OPN1LW: variants seen among roughly 807,000 people sequenced by gnomAD.
The protein encoded by OPN1LW is long-wave-sensitive opsin 1.
A neutral mutation model predicts 18.1 loss-of-function variants in OPN1LW; 4 were observed. The ratio of observed to expected loss-of-function variants is 0.22; its 90% CI spans 0.11 to 0.51. The LOEUF is 0.51. Among genes scored for constraint, OPN1LW ranks in the 20% least tolerant of loss-of-function variants. The pLI, the probability that OPN1LW is intolerant of heterozygous loss-of-function variation, is 0.97. For missense variants in OPN1LW, 164 were observed against 234.9 expected (o/e 0.70, Z 1.97); for synonymous variants, 86 against 101.2 (o/e 0.85, Z 0.90).
At chrX:154,149,425 C>T (rs868985654) in intron 1 of OPN1LW, among the ~76,000 whole-genome samples, 2 of 90,895 alleles carry the variant, frequency 2.2e-5, no homozygotes, top group African/African-American at 5.2e-5. Flanking sequence ...GCTACTACTC[C>T]GGAGGCTGAG....
At chrX:154,149,163 C>T (rs2067065836) in intron 1 of OPN1LW, among the ~76,000 whole-genome samples, 1 of 100,487 alleles carries the variant, frequency 1.0e-5, no homozygotes, top group African/African-American at 4.4e-5. Context: ...CGAGATCGTG[C>T]CACTGCACTC....
At position 154,154,745 on chromosome X, in the gene OPN1LW, C is replaced by A; in HGVS notation, c.744+6C>A. On this transcript the variant is annotated splice_donor_region_variant and intron_variant, in intron 4 of 5. Transcript: ENST00000369951. ...TGTGGCTGGCCATCCGAGCGGTAAG[C>A]CCCCCGATTCCTCCTGGCCTCACCC... is the stretch of plus-strand genomic sequence containing the variant. The A allele has an allele frequency of 8.4e-7, 1 of 1,186,746 alleles. No homozygotes were observed. Among genetic ancestry groups the A allele is most frequent in the Non-Finnish European group, 1.1e-6 (1 of 879,928 alleles).
chrX:154,154,790 C>T lies in OPN1LW; in HGVS notation c.744+51C>T, dbSNP rs1557157860. 5 of 1,046,880 alleles carry T rather than the reference C, an allele frequency of 4.8e-6. 1 individual carries two copies. In the Admixed American group the frequency reaches 1.2e-4, roughly 25 times the overall value. The allele number at this position is 1,046,880 out of a possible 1,213,427, so 86.3% of individuals were successfully genotyped here. ...TCACCCGCCTCCTGCCCCTAAGCTG[C>T]TCTGCCCTCAAATGAGTCCACTGAG... On this transcript the variant is annotated intron_variant, in intron 4 of 5. Coordinates refer to ENST00000369951, the MANE Select transcript of OPN1LW (RefSeq NM_020061.6).
intron 2 of OPN1LW, among the ~76,000 whole-genome samples, chrX:154,151,369 CA>C (rs1163373840): frequency 6.2e-5 from 1 of 16,022 alleles, no homozygotes; most frequent in Non-Finnish European, 1.1e-4. Context: ...ACACAATTCC[CA>C]GATCCTCTCC....
rs2067071392 is a variant in OPN1LW at position 154,150,758 on chromosome X, G to C, written c.215G>C (p.Gly72Ala). The C allele has an allele frequency of 8.3e-7, 1 of 1,199,706 alleles. No homozygotes were observed. The highest frequency in any genetic ancestry group is 2.2e-5 in the Admixed American group (1 of 45,374). The change falls in exon 2 of 6, where the codon GGG becomes GCG. Residue 72 changes from glycine to alanine, a missense_variant. Coordinates refer to ENST00000369951, the MANE Select transcript of OPN1LW (RefSeq NM_020061.6). ...GTCACTGCATCCGTCTTCACAAATG[G>C]GCTTGTGCTGGCGGCCACCATGAAG... ...FVVTASVFTN[G>A]LVLAATMKFK...
At chrX:154,144,529 G>T (rs1181071979) in intron 1 of OPN1LW, 134 bp downstream of exon 1, 3 of 419,564 alleles carry the variant, frequency 7.2e-6, no homozygotes, top group Non-Finnish European at 1.1e-5. Flanking sequence ...CTTTTCTGAT[G>T]ACATGAATTG....
rs782239449 is a variant in OPN1LW at position 154,156,268 on chromosome X, C to T, written c.745-26C>T. On this transcript the variant is annotated intron_variant, in intron 4 of 5. Transcript: ENST00000369951. ...CTGCCTCTTGCTGCCCTCCAACCCC[C>T]GACTCACTATCCCTGTCTCCCTTAG... 119 of 1,182,297 alleles carry T rather than the reference C, an allele frequency of 1.0e-4. 2 individuals carry two copies. Among genetic ancestry groups the T allele is most frequent in the African/African-American group, 5.7e-4 (29 of 51,257 alleles).
intron 4 of OPN1LW, among the ~76,000 whole-genome samples, chrX:154,154,986 A>C (rs1603345461): frequency 1.1e-4 from 1 of 9,182 alleles, no homozygotes; most frequent in Non-Finnish European, 2.0e-4. Flanking sequence ...AAGCACTGCC[A>C]CTCCCTCCCT....
Position 154,156,274 on chromosome X carries a change from A to G in OPN1LW, c.745-20A>G. The G allele has an allele frequency of 8.4e-7, 1 of 1,190,254 alleles. No homozygotes were observed. The highest frequency in any genetic ancestry group is 1.1e-6 in the Non-Finnish European group (1 of 885,158). On this transcript the variant is annotated intron_variant, in intron 4 of 5. Coordinates refer to ENST00000369951, the MANE Select transcript of OPN1LW (RefSeq NM_020061.6). ...CTTGCTGCCCTCCAACCCCCGACTC[A>G]CTATCCCTGTCTCCCTTAGGTGGCA...
At chrX:154,149,760 T>C (rs1488080774) in intron 1 of OPN1LW, among the ~76,000 whole-genome samples, 1 of 37,529 alleles carries the variant, frequency 2.7e-5, no homozygotes, top group East Asian at 6.1e-4. Flanking sequence ...GGGACTCTTT[T>C]TCTTGTTTGT....
In OPN1LW at chrX:154,144,408, G is replaced by A. The variant is rs781898555; in HGVS notation, c.112+13G>A. Reference sequence around the variant, plus strand: ...AACTCCACCAGAGGTGAGCCAGCAGGCCCGTGGAGGCTGGGTGGCTGCACT... The same window carrying A: ...AACTCCACCAGAGGTGAGCCAGCAGACCCGTGGAGGCTGGGTGGCTGCACT... On this transcript the variant is annotated intron_variant, in intron 1 of 5. Coordinates refer to ENST00000369951, the MANE Select transcript of OPN1LW (RefSeq NM_020061.6). 6 of 1,118,459 alleles carry A rather than the reference G, an allele frequency of 5.4e-6. No individual in the cohort carries two copies. The Admixed American group carries it at 7.5e-5, about 14-fold the overall frequency. 92.2% of individuals were successfully genotyped at this position (1,118,459 alleles called of 1,213,427 possible).
At chrX:154,148,464 G>A (rs1232831843) in intron 1 of OPN1LW, among the ~76,000 whole-genome samples, 5 of 102,363 alleles carry the variant, frequency 4.9e-5, no homozygotes, top group Admixed American at 1.0e-4. Context: ...TAGTAGAGAC[G>A]GGGTTTCACC....
At chrX:154,149,108 AG>A (rs1451239813) in intron 1 of OPN1LW, among the ~76,000 whole-genome samples, 1 of 103,546 alleles carries the variant, frequency 9.7e-6, no homozygotes, top group Non-Finnish European at 1.9e-5. Context: ...AGGAGGCTGA[AG>A]CGGGAGAATG....
At chrX:154,149,018 A>C (rs1557157238) in intron 1 of OPN1LW, among the ~76,000 whole-genome samples, 1 of 103,110 alleles carries the variant, frequency 9.7e-6, no homozygotes, top group African/African-American at 4.2e-5. Context: ...ATCCTAGCTA[A>C]CATGGTGAAG....
intron 1 of OPN1LW, among the ~76,000 whole-genome samples, chrX:154,148,399 G>A (rs1425813261): frequency 3.9e-5 from 4 of 103,021 alleles, no homozygotes; most frequent in African/African-American, 1.7e-4. Flanking sequence ...CTGAGTAGCT[G>A]GGACTACAGG....
rs1187074160 is a variant in OPN1LW at position 154,154,164 on chromosome X, C to CTA, written c.579-409_579-408insAT. ...TATTTTTTGTAGAGACAAGATCTCA[C>CTA]TGTGTTCCAGGCTAGTCTTGAACTC... On this transcript the variant is annotated intron_variant, in intron 3 of 5. Coordinates refer to ENST00000369951, the MANE Select transcript of OPN1LW (RefSeq NM_020061.6). Among the ~76,000 whole-genome samples, 7 of 97,711 alleles carry CTA rather than the reference C, an allele frequency of 7.2e-5. No individual in the cohort carries two copies. The East Asian group carries it at 8.8e-4, about 12-fold the overall frequency. 84.9% of individuals were successfully genotyped at this position (97,711 alleles called of 115,157 possible). A position where few individuals can be genotyped will look rare whatever the true frequency, so the allele number is the denominator to read the frequency against.
chrX:154,144,321 G>A lies in OPN1LW; in HGVS notation c.38G>A (p.Arg13His). 12 of 1,198,340 alleles carry A rather than the reference G, an allele frequency of 1.0e-5. No individual in the cohort carries two copies. The highest frequency in any genetic ancestry group is 7.1e-5 in the South Asian group (4 of 55,946). The part of the protein sequence containing the change: ...QQWSLQRLAG[R>H]HPQDSYEDST... ...TGGAGCCTCCAAAGGCTCGCAGGCC[G>A]CCATCCGCAGGACAGCTATGAGGAC... Residue 13 changes from arginine (R) to histidine (H), a missense_variant, in exon 1 of 6, where the codon CGC (arginine) becomes CAC (histidine). Physicochemically the swap from Arg to His is conservative, Grantham distance 29 (BLOSUM62 0). Transcript: ENST00000369951.
chrX:154,156,163 C>T, intron 4 of OPN1LW, 131 bp from the exon 5 acceptor site: 1 of 794,622 alleles, frequency 1.3e-6, no homozygotes, highest in Admixed American at 3.0e-5. Context: ...CTGCCTGGGG[C>T]CGGCTGTGCT....
At chrX:154,156,660 A>C in intron 5 of OPN1LW, 127 bp downstream of exon 5, 2 of 1,074,290 alleles carry the variant, frequency 1.9e-6, no homozygotes, top group South Asian at 3.8e-5. Context: ...CCTCCAGGGA[A>C]ATGACCGGGA....
Sources: gnomAD v4.1 joint callset for allele counts (sites outside exome capture counted in the v4.1 genomes callset) on GRCh38, gnomAD v4.1.1 for gene constraint, MANE v1.5 for transcripts, NCBI Gene and HGNC (gene_info 2026-07-23, HGNC 2026-07-21) for gene names.